MYT1L: variants seen among roughly 807,000 people sequenced by gnomAD.
MYT1L encodes the protein myelin transcription factor 1 like.
A neutral mutation model predicts 126.7 loss-of-function variants in MYT1L; 12 were observed. The observed-to-expected ratio is 0.09, with a 90% CI of 0.06 to 0.15. The LOEUF is 0.15. Ranked by LOEUF, MYT1L falls within the 10% of genes least tolerant of loss-of-function variation. The pLI is 1.00. For missense variants in MYT1L, 979 were observed against 1,585.2 expected (o/e 0.62, Z 6.49); for synonymous variants, 541 against 604.2 (o/e 0.90, Z 1.53).
intron 3 of MYT1L, among the ~76,000 whole-genome samples, chr2:2,120,150 T>C (rs996297118): frequency 2.6e-5 from 4 of 152,156 alleles, no homozygotes; most frequent in African/African-American, 9.7e-5. Context: ...TACAATATGA[T>C]AGTGTTAATC....
chr2:1,979,326 GAGAGA>G lies in MYT1L; in HGVS notation c.90-104_90-100del, dbSNP rs1332599904. The stretch of plus-strand genomic sequence containing the variant: ...GAGAAGGAGGGCGGCTCAGACAGAG[GAGAGA>G]AATCACACAATCCAAAGGAGGGGGA... On this transcript the variant is annotated intron_variant, in intron 7 of 24. Coordinates refer to ENST00000647738, the MANE Select transcript of MYT1L (RefSeq NM_001303052.2). The surrounding 1 kb of genome is among the most constrained non-coding windows in gnomAD (Gnocchi z 4.0). 68 of 1,200,716 alleles carry G rather than the reference GAGAGA, an allele frequency of 5.7e-5. No individual in the cohort carries two copies. Among genetic ancestry groups the G allele is most frequent in the Non-Finnish European group, 8.1e-5 (67 of 822,846 alleles). The allele number at this position is 1,200,716 out of a possible 1,614,324, so 74.4% of individuals were successfully genotyped here.
At chr2:2,094,790 G>A (rs1281348314) in intron 3 of MYT1L, among the ~76,000 whole-genome samples, 2 of 150,836 alleles carry the variant, frequency 1.3e-5, no homozygotes, top group Non-Finnish European at 3.0e-5. Flanking sequence ...GGGGAGGGGG[G>A]AGCGATAGCA....
At chr2:1,995,225 C>T (rs1423318089) in intron 5 of MYT1L, among the ~76,000 whole-genome samples, 17 of 151,690 alleles carry the variant, frequency 1.1e-4, no homozygotes, top group African/African-American at 4.1e-4. Flanking sequence ...GTTTATGTGA[C>T]GGGGTGGATG....
At chr2:1,859,308 T>C (rs559670024) in intron 18 of MYT1L, among the ~76,000 whole-genome samples, 35 of 152,330 alleles carry the variant, frequency 2.3e-4, no homozygotes, top group African/African-American at 7.7e-4. Flanking sequence ...TTCTTTTGGT[T>C]CCCAGCACTT....
At chr2:2,182,056 A>C (rs2148647285) in intron 2 of MYT1L, among the ~76,000 whole-genome samples, 1 of 152,124 alleles carries the variant, frequency 6.6e-6, no homozygotes, top group East Asian at 1.9e-4. Flanking sequence ...TCAGAGCAAA[A>C]ATGAATGGCA....
At chr2:1,944,532 C>T (rs2057014856) in intron 8 of MYT1L, among the ~76,000 whole-genome samples, 1 of 151,938 alleles carries the variant, frequency 6.6e-6, no homozygotes, top group Non-Finnish European at 1.5e-5. Context: ...GGTGTGGCCT[C>T]TCTCACTGGC....
chr2:2,048,248 T>C (rs2068421676), intron 4 of MYT1L, among the ~76,000 whole-genome samples: 2 of 152,030 alleles, frequency 1.3e-5, no homozygotes, highest in Admixed American at 1.3e-4. Context: ...AGAAAAAAAA[T>C]AAAATAAAAC....
intron 3 of MYT1L, among the ~76,000 whole-genome samples, chr2:2,112,538 G>T (rs145255281): frequency 2.0e-5 from 3 of 152,182 alleles, no homozygotes; most frequent in Non-Finnish European, 4.4e-5. Context: ...CTGTAGCCAC[G>T]TGGTGACCTG....
At chr2:2,285,973 C>G (rs1417665194) in intron 1 of MYT1L, among the ~76,000 whole-genome samples, 1 of 145,010 alleles carries the variant, frequency 6.9e-6, no homozygotes. Flanking sequence ...GTTCTTCACT[C>G]TTCTTCTTCT....
At chr2:2,003,701 G>A (rs908593203) in intron 4 of MYT1L, among the ~76,000 whole-genome samples, 5 of 152,130 alleles carry the variant, frequency 3.3e-5, no homozygotes, top group Non-Finnish European at 7.4e-5. Context: ...CCTGGTGTGG[G>A]GCCCATGGGT....
chr2:2,246,018 T>C (rs557921986), intron 2 of MYT1L, among the ~76,000 whole-genome samples: 1 of 152,328 alleles, frequency 6.6e-6, no homozygotes, highest in African/African-American at 2.4e-5. Flanking sequence ...AACTTCTGCC[T>C]AGAGAACTGT....
intron 21 of MYT1L, chr2:1,827,393 G>T (rs1042745379): frequency 6.6e-6 from 1 of 152,050 alleles, no homozygotes; most frequent in Non-Finnish European, 1.5e-5. Context: ...AACATGCCTG[G>T]GTCAAACAGA....
At chr2:2,048,981 A>G (rs2068509189) in intron 4 of MYT1L, among the ~76,000 whole-genome samples, 3 of 152,202 alleles carry the variant, frequency 2.0e-5, no homozygotes, top group Non-Finnish European at 4.4e-5. Flanking sequence ...TAAAAGCTCA[A>G]ACAATTTTAT....
At chr2:1,882,890 T>C (rs1326386036) in intron 18 of MYT1L, among the ~76,000 whole-genome samples, 3 of 152,210 alleles carry the variant, frequency 2.0e-5, no homozygotes, top group Admixed American at 6.5e-5. Context: ...AAAATGTTAA[T>C]TCTTTGATTT....
intron 3 of MYT1L, among the ~76,000 whole-genome samples, chr2:2,113,098 A>C (rs751150): frequency 0.37 from 55,653 of 151,994 alleles, 10,458 homozygotes; most frequent in South Asian, 0.55. Flanking sequence ...TGGCTGGGAG[A>C]AGAAGCAGAT....
intron 22 of MYT1L, among the ~76,000 whole-genome samples, chr2:1,804,465 C>G (rs2035379215): frequency 6.6e-6 from 1 of 152,200 alleles, no homozygotes; most frequent in Admixed American, 6.5e-5. Context: ...GGCCTGCAAG[C>G]TGTCAGGAGA....
intron 2 of MYT1L, among the ~76,000 whole-genome samples, chr2:2,251,258 A>G (rs2094640664): frequency 6.6e-6 from 1 of 152,132 alleles, no homozygotes; most frequent in South Asian, 2.1e-4. Flanking sequence ...TTTGCTTACA[A>G]TGAGCCCATA....
At chr2:2,281,962 CT>C (rs1301442851) in intron 2 of MYT1L, among the ~76,000 whole-genome samples, 1 of 152,188 alleles carries the variant, frequency 6.6e-6, no homozygotes, top group African/African-American at 2.4e-5. Context: ...CTGTAGTGCA[CT>C]CTGGCGTTTA....
Position 2,159,534 on chromosome 2 carries a change from AG to A in MYT1L, c.-304+13337del, listed in dbSNP as rs2087452606. Among the ~76,000 whole-genome samples the A allele has an allele frequency of 1.3e-5, 2 of 151,924 alleles. 1 individual carries two copies. The highest frequency in any genetic ancestry group is 1.3e-4 in the Admixed American group (2 of 15,266). ...GACGCTGGGGAGCACCTCGCTGCTG[AG>A]CGCGGGCTGTGTTCAGACCAGCACC... On this transcript the variant is annotated intron_variant, in intron 3 of 24. Transcript: ENST00000647738.
Sources: allele counts gnomAD v4.1 joint callset (sites outside exome capture counted in the v4.1 genomes callset), GRCh38; gene constraint gnomAD v4.1.1; non-coding constraint Gnocchi (gnomAD v3.1); transcripts MANE v1.5; gene names NCBI Gene and HGNC (gene_info 2026-07-23, HGNC 2026-07-21).